Variants in LPP observed in about 807,000 individuals in gnomAD.
LPP encodes the protein lipoma-preferred partner.
Under a neutral mutation model 60.4 loss-of-function variants are expected in LPP, and 38 were observed. The observed-to-expected ratio is 0.63, with a 90% CI of 0.49 to 0.83. The LOEUF is 0.83. LPP is among the 40% of genes least tolerant of loss of function. The pLI, the probability that LPP is intolerant of heterozygous loss-of-function variation, is 0.00. For synonymous variants in LPP, 328 were observed against 290.8 expected, an observed-to-expected ratio of 1.13 and a Z score of -1.30; for missense variants, 902 against 783.6, an observed-to-expected ratio of 1.15 and a Z score of -1.80.
intron 3 of LPP, among the ~76,000 whole-genome samples, chr3:188,369,940 T>C (rs1401865170): frequency 1.3e-5 from 2 of 152,200 alleles, no homozygotes. Context: ...TATTTATTTA[T>C]TTATCTGAGA....
intron 3 of LPP, among the ~76,000 whole-genome samples, chr3:188,347,361 C>T (rs958647304): frequency 2.6e-5 from 4 of 152,148 alleles, no homozygotes; most frequent in African/African-American, 9.7e-5. Flanking sequence ...TTATCTGGCT[C>T]CTTAAGAAAG....
chr3:188,779,477 C>T (rs544564045), intron 9 of LPP, among the ~76,000 whole-genome samples: 10 of 152,142 alleles, frequency 6.6e-5, no homozygotes, highest in Non-Finnish European at 1.3e-4. Context: ...TTCAATGGGT[C>T]GGTCTTGGAA....
At chr3:188,158,834 A>G (rs1314367741) in intron 1 of LPP, among the ~76,000 whole-genome samples, 1 of 152,168 alleles carries the variant, frequency 6.6e-6, no homozygotes, top group Admixed American at 6.5e-5. Context: ...GCTCAAATCG[A>G]CATTGCTTGT....
intron 2 of LPP, among the ~76,000 whole-genome samples, chr3:188,341,187 T>C (rs1357248617): frequency 6.6e-6 from 1 of 152,088 alleles, no homozygotes; most frequent in East Asian, 1.9e-4. Flanking sequence ...AGACAATGAG[T>C]TGCTGTTTGT....
chr3:188,814,295 A>G (rs41444546), intron 9 of LPP, among the ~76,000 whole-genome samples: 37,384 of 152,022 alleles, frequency 0.25, 6,153 homozygotes, highest in East Asian at 0.8. Context: ...AAAAGCCACA[A>G]TAAGGACATA....
intron 9 of LPP, among the ~76,000 whole-genome samples, chr3:188,832,992 T>TCAGTGGTAACTTTCA (rs1757494847): frequency 6.6e-6 from 1 of 152,238 alleles, no homozygotes; most frequent in Non-Finnish European, 1.5e-5. Flanking sequence ...CCACTTGGCA[T>TCAGTGGTAACTTTCA]CAGTGCAAAC....
At chr3:188,224,607 A>G (rs1003629752) in intron 1 of LPP, among the ~76,000 whole-genome samples, 6 of 152,198 alleles carry the variant, frequency 3.9e-5, no homozygotes, top group African/African-American at 1.4e-4. Context: ...CTGTATAAGC[A>G]TGGCACTGGC....
chr3:188,532,402 G>A lies in LPP; in HGVS notation c.429+7615G>A, dbSNP rs573699743. ...ATTGTGCCACTGCACTCCAGCCTGG[G>A]CAACAGAGCAAAACTCTGTCTCAAT... On this transcript the variant is annotated intron_variant, in intron 6 of 11. Transcript: ENST00000617246. Among the ~76,000 whole-genome samples, 4 of 150,412 alleles carry A rather than the reference G, an allele frequency of 2.7e-5. No homozygotes were observed. In the South Asian group the frequency reaches 8.4e-4, roughly 32 times the overall value.
chr3:188,473,260 G>A (rs1235644906), intron 4 of LPP, among the ~76,000 whole-genome samples: 4 of 152,082 alleles, frequency 2.6e-5, no homozygotes, highest in South Asian at 2.1e-4. Context: ...AGTTACCAAA[G>A]CCAGGTAAAC....
intron 3 of LPP, among the ~76,000 whole-genome samples, chr3:188,386,358 T>G (rs561251947): frequency 9.2e-5 from 14 of 152,036 alleles, no homozygotes; most frequent in Non-Finnish European, 2.1e-4. Context: ...TTTCAGTAGA[T>G]GATTTCTTTT....
intron 5 of LPP, among the ~76,000 whole-genome samples, chr3:188,494,280 A>G (rs1432573980): frequency 2.6e-5 from 4 of 152,138 alleles, no homozygotes; most frequent in Non-Finnish European, 5.9e-5. Flanking sequence ...CCATACATGT[A>G]TGCCAGGTGA....
chr3:188,522,459 A>G (rs11923101), intron 5 of LPP, among the ~76,000 whole-genome samples: 2,313 of 152,246 alleles, frequency 0.015, 57 homozygotes, highest in African/African-American at 0.053. Flanking sequence ...AGATAGTGCT[A>G]TGAGAAAGGT....
At position 188,800,401 on chromosome 3, in the gene LPP, A is replaced by G. The variant is rs1012981833; in HGVS notation, c.1410+40119A>G. ...GCTGGGACTACAGGTGTCTGCCACC[A>G]CGCCCGGCTAATTTTTTGTATTTTT... On this transcript the variant is annotated intron_variant, in intron 9 of 11. Coordinates refer to ENST00000617246, the MANE Select transcript of LPP (RefSeq NM_001375462.1). 4.6e-5 allele frequency among the ~76,000 whole-genome samples: 7 copies of G among 151,658 alleles called. No homozygotes were observed. The South Asian group carries it at 8.3e-4, about 18-fold the overall frequency.
intron 8 of LPP, among the ~76,000 whole-genome samples, chr3:188,723,007 A>G (rs945498791): frequency 6.6e-6 from 1 of 152,222 alleles, no homozygotes; most frequent in African/African-American, 2.4e-5. Flanking sequence ...GCTGGAGAAT[A>G]CAAAAAGTGT....
At chr3:188,715,239 A>G (rs1278623673) in intron 8 of LPP, among the ~76,000 whole-genome samples, 1 of 151,896 alleles carries the variant, frequency 6.6e-6, no homozygotes, top group African/African-American at 2.4e-5. Flanking sequence ...TCAGCTGGGC[A>G]TGGTGGCACG....
chr3:188,443,105 C>T (rs369570294), intron 4 of LPP, among the ~76,000 whole-genome samples: 1 of 152,136 alleles, frequency 6.6e-6, no homozygotes, highest in African/African-American at 2.4e-5. Flanking sequence ...ACTTGATTTT[C>T]ATTACTTGAA....
chr3:188,290,572 G>T (rs1172995721), intron 2 of LPP, among the ~76,000 whole-genome samples: 1 of 151,914 alleles, frequency 6.6e-6, no homozygotes, highest in Non-Finnish European at 1.5e-5. Context: ...ACAGTGAATA[G>T]TTTAGGACTG....
intron 6 of LPP, among the ~76,000 whole-genome samples, chr3:188,560,025 G>T (rs1830316125): frequency 6.6e-6 from 1 of 152,046 alleles, no homozygotes; most frequent in Non-Finnish European, 1.5e-5. Flanking sequence ...CCTCAATTCT[G>T]GTTCCACCAC....
At chr3:188,798,020 A>G (rs922420746) in intron 9 of LPP, among the ~76,000 whole-genome samples, 3 of 152,226 alleles carry the variant, frequency 2.0e-5, no homozygotes, top group Non-Finnish European at 4.4e-5. Flanking sequence ...AAGAAAACTT[A>G]TAAGACAGCT....
Sources: allele counts gnomAD v4.1 joint callset (sites outside exome capture counted in the v4.1 genomes callset), GRCh38; gene constraint gnomAD v4.1.1; transcripts MANE v1.5; gene names NCBI Gene and HGNC (gene_info 2026-07-23, HGNC 2026-07-21).